Variants in GCNT1 observed in about 807,000 individuals in gnomAD.
The protein encoded by GCNT1 is beta-1,3-galactosyl-O-glycosyl-glycoprotein beta-1,6-N-acetylglucosaminyltransferase.
Under a neutral mutation model 26.2 loss-of-function variants are expected in GCNT1, and 16 were observed. The observed-to-expected ratio is 0.61, with a 90% confidence interval of 0.41 to 0.93. The LOEUF (loss-of-function observed/expected upper bound fraction) is 0.93. GCNT1 is among the 40% of genes least tolerant of loss of function. The probability of loss-of-function intolerance (pLI) is 0.00; values close to 1 mark genes in which losing one functional copy is unlikely to be tolerated. For missense variants in GCNT1, 477 were observed against 526.7 expected, an observed-to-expected ratio of 0.91 and a Z score of 0.92; for synonymous variants, 183 against 190.8, an observed-to-expected ratio of 0.96 and a Z score of 0.34.
the GCNT1 span, among the ~76,000 whole-genome samples, chr9:76,394,976 T>C: frequency 1.3e-3 from 195 of 152,296 alleles, 1 homozygote; most frequent in Non-Finnish European, 2.4e-3. Flanking sequence ...GTTATTAATA[T>C]ATTCGAATGT....
intron 1 of GCNT1, among the ~76,000 whole-genome samples, chr9:76,446,721 G>C (rs1823583476): frequency 6.6e-6 from 1 of 152,100 alleles, no homozygotes; most frequent in Non-Finnish European, 1.5e-5. Context: ...ACACTGAAAA[G>C]AACAAAGAGG....
At chr9:76,461,919 A>G (rs886607076) in intron 2 of GCNT1, among the ~76,000 whole-genome samples, 2 of 152,176 alleles carry the variant, frequency 1.3e-5, no homozygotes, top group African/African-American at 4.8e-5. Context: ...AATAAAATCA[A>G]ATTTGTTTCA....
intron 1 of GCNT1, among the ~76,000 whole-genome samples, chr9:76,425,009 C>T (rs1201130765): frequency 1.3e-5 from 2 of 151,596 alleles, no homozygotes; most frequent in African/African-American, 4.8e-5. Flanking sequence ...CGTGGTATCA[C>T]GCGCCTGTAG....
intron 1 of GCNT1, among the ~76,000 whole-genome samples, chr9:76,424,805 A>G (rs1363918678): frequency 2.0e-5 from 3 of 152,200 alleles, no homozygotes; most frequent in Admixed American, 1.3e-4. Flanking sequence ...TCTTGTAACT[A>G]AAATCAACAC....
the GCNT1 span, among the ~76,000 whole-genome samples, chr9:76,411,501 G>A: frequency 1.3e-5 from 2 of 149,260 alleles, no homozygotes; most frequent in African/African-American, 2.5e-5. Flanking sequence ...GCTAATTTTT[G>A]TATTTTTTGT....
At chr9:76,492,746 A>T (rs1824781226) in intron 2 of GCNT1, among the ~76,000 whole-genome samples, 1 of 151,250 alleles carries the variant, frequency 6.6e-6, no homozygotes, top group Non-Finnish European at 1.5e-5. Flanking sequence ...CACTGATAAC[A>T]AGCCCTACTG....
At chr9:76,424,469 G>A (rs1823235064) in intron 1 of GCNT1, among the ~76,000 whole-genome samples, 1 of 152,204 alleles carries the variant, frequency 6.6e-6, no homozygotes, top group African/African-American at 2.4e-5. Context: ...GGAACTGAGA[G>A]GCAATAAATG....
chr9:76,402,982 T>C, the GCNT1 span, among the ~76,000 whole-genome samples: 1 of 152,128 alleles, frequency 6.6e-6, no homozygotes, highest in Non-Finnish European at 1.5e-5. Context: ...CCAGCCCTGA[T>C]TGTTTAATAA....
intron 2 of GCNT1, among the ~76,000 whole-genome samples, chr9:76,500,145 T>C: frequency 6.6e-6 from 1 of 152,128 alleles, no homozygotes; most frequent in East Asian, 1.9e-4. Flanking sequence ...TTGTAATTTT[T>C]TTTTTGTTGA....
chr9:76,429,243 T>C (rs1823301043), intron 1 of GCNT1, among the ~76,000 whole-genome samples: 1 of 152,210 alleles, frequency 6.6e-6, no homozygotes, highest in Non-Finnish European at 1.5e-5. Context: ...TCTATTCCTA[T>C]AGCATGCACA....
intron 2 of GCNT1, among the ~76,000 whole-genome samples, chr9:76,489,742 A>G (rs1291196519): frequency 6.6e-6 from 1 of 150,500 alleles, no homozygotes; most frequent in Non-Finnish European, 1.5e-5. Context: ...TTCACCTCTC[A>G]ATCCCCCCTC....
the GCNT1 span, among the ~76,000 whole-genome samples, chr9:76,406,994 T>C: frequency 6.6e-6 from 1 of 152,188 alleles, no homozygotes; most frequent in Non-Finnish European, 1.5e-5. Flanking sequence ...TGAGCTGAGA[T>C]TGTGCCATTG....
At chr9:76,463,668 C>A (rs924346839) in intron 2 of GCNT1, among the ~76,000 whole-genome samples, 1 of 152,216 alleles carries the variant, frequency 6.6e-6, no homozygotes, top group Admixed American at 6.5e-5. Context: ...TACTGAGCAT[C>A]TGTTAGATGC....
At position 76,428,292 on chromosome 9, in the gene GCNT1, TA is replaced by T. The variant is rs1279001629; in HGVS notation, n.38+8416del. Among the ~76,000 whole-genome samples, 403 of 85,870 alleles carry T rather than the reference TA, an allele frequency of 4.7e-3. 3 individuals are homozygous for T. The highest frequency in any genetic ancestry group is 0.016 in the African/African-American group (368 of 23,536). 56.3% of individuals were successfully genotyped at this position (85,870 alleles called of 152,430 possible). On this transcript the variant is annotated intron_variant and non_coding_transcript_variant, in intron 1 of 3. Coordinates refer to the GCNT1 transcript ENST00000488136. ...AAAAAAAAAAAAAAAAAAAAAAACT[TA>T]AAAAAAAAAAGAGAGAGAGAAATGG...
intron 1 of GCNT1, among the ~76,000 whole-genome samples, chr9:76,453,145 T>C (rs113480766): frequency 1.3e-5 from 2 of 152,334 alleles, no homozygotes; most frequent in African/African-American, 4.8e-5. Flanking sequence ...GGGTGTCATC[T>C]GTTCAGCCAT....
upstream of GCNT1, among the ~76,000 whole-genome samples, chr9:76,457,282 T>G (rs1437889716): frequency 1.3e-5 from 2 of 152,226 alleles, no homozygotes; most frequent in Admixed American, 1.3e-4. Flanking sequence ...GGAGCCTTGC[T>G]TTGTCACGCA....
At chr9:76,439,223 CTTT>C (rs71499153), upstream of GCNT1, among the ~76,000 whole-genome samples, 3 of 120,126 alleles carry the variant, frequency 2.5e-5, no homozygotes, top group African/African-American at 6.1e-5. Context: ...TTTTCTTTTT[CTTT>C]TTTTTTTTTT....
intron 2 of GCNT1, among the ~76,000 whole-genome samples, chr9:76,478,254 A>G (rs987557982): frequency 6.6e-6 from 1 of 152,214 alleles, no homozygotes; most frequent in Admixed American, 6.5e-5. Flanking sequence ...TTGCGTCCGC[A>G]CTACCTTTAT....
At chr9:76,460,771 C>T (rs1257303010) in intron 2 of GCNT1, among the ~76,000 whole-genome samples, 4 of 151,984 alleles carry the variant, frequency 2.6e-5, no homozygotes, top group Admixed American at 2.6e-4. Context: ...TTTTATTGGC[C>T]GAGAGGTTGA....
Sources: gnomAD v4.1 joint callset for allele counts (sites outside exome capture counted in the v4.1 genomes callset) on GRCh38, gnomAD v4.1.1 for gene constraint, MANE v1.5 for transcripts, NCBI Gene and HGNC (gene_info 2026-07-23, HGNC 2026-07-21) for gene names.